The following PKHD1 variants were observed in gnomAD, a reference collection of about 807,000 sequenced individuals.
The protein encoded by PKHD1 is PKHD1 ciliary IPT domain containing fibrocystin/polyductin.
PKHD1 carries 291 observed loss-of-function variants against 412.0 expected under a neutral mutation model. The ratio of observed to expected loss-of-function variants is 0.71; its 90% confidence interval spans 0.64 to 0.78. PKHD1 has a LOEUF of 0.78. PKHD1 is among the 30% of genes least tolerant of loss of function. The pLI is 0.00. For missense variants in PKHD1, 4,825 were observed against 4,950.7 expected (o/e 0.97, Z 0.76); for synonymous variants, 1,777 against 1,821.5 (o/e 0.98, Z 0.62).
chr6:51,728,667 T>C (rs1040956485), intron 60 of PKHD1, among the ~76,000 whole-genome samples: 1 of 152,160 alleles, frequency 6.6e-6, no homozygotes, highest in African/African-American at 2.4e-5. Context: ...TTACCTGAAT[T>C]TTGGCCATCA....
chr6:51,906,087 A>T (rs765589821), intron 41 of PKHD1, 128 bp downstream of exon 41: 28 of 775,950 alleles, frequency 3.6e-5, no homozygotes, highest in Non-Finnish European at 5.3e-5. Context: ...GTTTTACTGT[A>T]GCCCATTTCT....
chr6:51,822,690 A>G (rs1039140823), intron 52 of PKHD1, among the ~76,000 whole-genome samples: 2 of 152,184 alleles, frequency 1.3e-5, no homozygotes, highest in African/African-American at 4.8e-5. Flanking sequence ...AGGCATCTGC[A>G]CATGAACCTG....
At chr6:51,995,620 A>G (rs1417546749) in intron 35 of PKHD1, among the ~76,000 whole-genome samples, 1 of 152,152 alleles carries the variant, frequency 6.6e-6, no homozygotes, top group Non-Finnish European at 1.5e-5. Flanking sequence ...GGGAGTTTCC[A>G]GGTAATTTTT....
intron 48 of PKHD1, among the ~76,000 whole-genome samples, chr6:51,859,105 A>G (rs1301901008): frequency 6.6e-6 from 1 of 152,208 alleles, no homozygotes; most frequent in Non-Finnish European, 1.5e-5. Context: ...GCTGTCAATT[A>G]AACCACTTTT....
intron 52 of PKHD1, among the ~76,000 whole-genome samples, chr6:51,796,639 T>C (rs1794655260): frequency 1.3e-5 from 2 of 152,224 alleles, no homozygotes; most frequent in African/African-American, 4.8e-5. Flanking sequence ...CATTTAGTGC[T>C]ATAAATTTCT....
Position 51,712,741 on chromosome 6 carries a change from A to G in PKHD1, c.10156+31644T>C, listed in dbSNP as rs965202065. Reference sequence around the variant, plus strand: ...GTATTACCAGCCTAGCCCTGCGATCAAGCAAATTGACTTCACATCTCTGAA... The same window carrying G: ...GTATTACCAGCCTAGCCCTGCGATCGAGCAAATTGACTTCACATCTCTGAA... On this transcript the variant is annotated intron_variant, in intron 60 of 66. Transcript: ENST00000371117. Among the ~76,000 whole-genome samples the G allele has an allele frequency of 5.9e-5, 9 of 152,236 alleles. No homozygotes were observed. In the East Asian group the frequency reaches 1.7e-3, roughly 29 times the overall value.
At chr6:52,074,284 T>C (rs998193213) in intron 6 of PKHD1, among the ~76,000 whole-genome samples, 1 of 152,176 alleles carries the variant, frequency 6.6e-6, no homozygotes, top group Non-Finnish European at 1.5e-5. Context: ...TGTGTGTTAT[T>C]AGTAAGAAGT....
intron 35 of PKHD1, among the ~76,000 whole-genome samples, chr6:51,999,485 G>A (rs892732300): frequency 6.6e-6 from 1 of 152,076 alleles, no homozygotes; most frequent in Non-Finnish European, 1.5e-5. Context: ...GCTGCTCTGC[G>A]CTATCTGGTC....
chr6:51,822,670 G>A (rs966926152), intron 52 of PKHD1, among the ~76,000 whole-genome samples: 5 of 151,948 alleles, frequency 3.3e-5, no homozygotes, highest in Admixed American at 6.6e-5. Flanking sequence ...CACATTTCCC[G>A]TTACCATCTA....
chr6:51,894,505 G>A (rs1779591739), intron 43 of PKHD1, among the ~76,000 whole-genome samples: 2 of 152,230 alleles, frequency 1.3e-5, no homozygotes, highest in South Asian at 4.1e-4. Flanking sequence ...GAATGTAAGT[G>A]AACTAGCAAG....
At chr6:51,854,983 C>G (rs1182227219) in intron 49 of PKHD1, among the ~76,000 whole-genome samples, 1 of 152,232 alleles carries the variant, frequency 6.6e-6, no homozygotes, top group African/African-American at 2.4e-5. Flanking sequence ...GTTTGGTAGG[C>G]TTAAGCAGAT....
At chr6:51,697,881 T>G (rs995921051) in intron 60 of PKHD1, among the ~76,000 whole-genome samples, 3 of 152,242 alleles carry the variant, frequency 2.0e-5, no homozygotes, top group Non-Finnish European at 4.4e-5. Context: ...TTTACTTTTT[T>G]TAAATCCTCA....
At chr6:51,623,833 C>T (rs1766923339) in intron 66 of PKHD1, among the ~76,000 whole-genome samples, 1 of 152,150 alleles carries the variant, frequency 6.6e-6, no homozygotes, top group South Asian at 2.1e-4. Flanking sequence ...GTGATCTGTC[C>T]ACTTCGGCCT....
intron 37 of PKHD1, among the ~76,000 whole-genome samples, chr6:51,931,860 G>A (rs1451870321): frequency 6.7e-6 from 1 of 149,406 alleles, no homozygotes; most frequent in African/African-American, 2.5e-5. Context: ...ATAAAGGAGA[G>A]GGAGGGAGGA....
chr6:51,852,761 G>C (rs9370072), intron 49 of PKHD1, among the ~76,000 whole-genome samples: 60,365 of 149,718 alleles, frequency 0.4, 13,329 homozygotes, highest in East Asian at 0.85. Flanking sequence ...CATTTGCTTG[G>C]TAAGTTTTCC....
chr6:51,746,166 A>G (rs1785171958), intron 59 of PKHD1, among the ~76,000 whole-genome samples: 1 of 152,186 alleles, frequency 6.6e-6, no homozygotes, highest in Non-Finnish European at 1.5e-5. Context: ...AGAAAACAGT[A>G]TTTACACCTG....
chr6:51,668,651 T>C (rs1477250444), intron 60 of PKHD1, among the ~76,000 whole-genome samples: 1 of 152,178 alleles, frequency 6.6e-6, no homozygotes, highest in South Asian at 2.1e-4. Context: ...CTTCCAATTT[T>C]TGCCCATTCA....
chr6:51,628,576 C>A (rs1296770915), intron 65 of PKHD1, among the ~76,000 whole-genome samples: 1 of 152,108 alleles, frequency 6.6e-6, no homozygotes, highest in Non-Finnish European at 1.5e-5. Context: ...GATTTATATT[C>A]TTTTGGGTAT....
intron 43 of PKHD1, among the ~76,000 whole-genome samples, chr6:51,896,138 C>T (rs373511918): frequency 5.9e-5 from 9 of 152,216 alleles, no homozygotes; most frequent in South Asian, 2.1e-4. Flanking sequence ...CAAAGCAGCC[C>T]GGAAGCTCGA....
Sources: gnomAD v4.1 joint callset for allele counts (sites outside exome capture counted in the v4.1 genomes callset) on GRCh38, gnomAD v4.1.1 for gene constraint, MANE v1.5 for transcripts, NCBI Gene and HGNC (gene_info 2026-07-23, HGNC 2026-07-21) for gene names.